The following PSMC2 variants were observed in gnomAD, a reference collection of about 807,000 sequenced individuals.
PSMC2 encodes the protein 26S proteasome regulatory subunit 7.
In PSMC2, 7 loss-of-function variants were observed where a neutral mutation model predicts 53.3. The ratio of observed to expected loss-of-function variants is 0.13; its 90% CI spans 0.07 to 0.25. PSMC2 has a LOEUF of 0.25. Ranked by LOEUF, PSMC2 falls within the 10% of genes least tolerant of loss-of-function variation. PSMC2 has a pLI of 1.00. For synonymous variants in PSMC2, 169 were observed against 183.9 expected (o/e 0.92, Z 0.66); for missense variants, 241 against 544.0 (o/e 0.44, Z 5.54).
intron 2 of PSMC2, among the ~76,000 whole-genome samples, chr7:103,354,173 A>G (rs1442813613): frequency 6.6e-6 from 1 of 152,212 alleles, no homozygotes; most frequent in African/African-American, 2.4e-5. Context: ...TTTATAGAAT[A>G]GATCAAAGTA....
chr7:103,352,128 C>T (rs560572631), intron 1 of PSMC2, among the ~76,000 whole-genome samples: 6 of 145,382 alleles, frequency 4.1e-5, no homozygotes, highest in East Asian at 2.0e-4. Flanking sequence ...TTCCTATTAC[C>T]GCCTAATGTG....
rs778581129 is a variant in PSMC2, at chr7:103,362,065, C to T, written c.399C>T (p.Asp133=). The T allele has an allele frequency of 2.5e-6, 4 of 1,613,076 alleles. No homozygotes were observed. The South Asian group carries it at 4.4e-5, about 18-fold the overall frequency. The change falls in exon 5 of 12, where the codon GAC becomes GAT. Residue 133 remains aspartate (D), a synonymous_variant. Transcript: ENST00000292644. The part of the protein sequence containing the change: ...VDLSDQVAPT[D]IEEGMRVGVD... The stretch of plus-strand genomic sequence containing the variant: ...TTAGTGATCAGGTGGCACCTACTGA[C>T]ATTGAAGAAGGGATGAGAGTGGGGT...
chr7:103,366,542 A>T (rs1231931540), intron 9 of PSMC2, among the ~76,000 whole-genome samples: 1 of 152,204 alleles, frequency 6.6e-6, no homozygotes. Flanking sequence ...TGCTTTTGTC[A>T]TGTTGGTGCT....
intron 2 of PSMC2, among the ~76,000 whole-genome samples, chr7:103,354,382 T>TTTTTTTG (rs1819909992): frequency 6.6e-6 from 1 of 151,544 alleles, no homozygotes; most frequent in Non-Finnish European, 1.5e-5. Context: ...TTTTTTTTTT[T>TTTTTTTG]TTTGAAACGG....
Position 103,366,175 on chromosome 7 carries a change from A to C in PSMC2, c.844+12A>C, listed in dbSNP as rs1820707204. Reference sequence around the variant, plus strand: ...TGATGCTATTGGAGGTGAGAATGATACGTTAGAGAACTGCTTTAGGATTCA... The same window carrying C: ...TGATGCTATTGGAGGTGAGAATGATCCGTTAGAGAACTGCTTTAGGATTCA... On this transcript the variant is annotated intron_variant, in intron 9 of 11. Transcript: ENST00000292644. The C allele has an allele frequency of 6.3e-7, 1 of 1,587,778 alleles. No individual in the cohort carries two copies. Among genetic ancestry groups the C allele is most frequent in the African/African-American group, 1.3e-5 (1 of 74,240 alleles).
rs1257421243 is a variant in PSMC2 at position 103,367,620 on chromosome 7, G to A, written c.1047+5G>A. On this transcript the variant is annotated splice_donor_5th_base_variant and intron_variant, in intron 10 of 11. Transcript: ENST00000292644. This position sits in a 1 kb window ranked among gnomAD's most constrained non-coding sequence, Gnocchi z 6.1. ...TTTAGCTTGCCCGATCTAGAGGTAA[G>A]AAAACCATTTCATTTTAGGAAAGGG... 6.2e-6 allele frequency: 10 copies of A among 1,613,072 alleles called. No homozygotes were observed. The highest frequency in any genetic ancestry group is 4.0e-5 in the African/African-American group (3 of 74,858).
At chr7:103,354,365 ATTTTTTT>A (rs752847513) in intron 2 of PSMC2, among the ~76,000 whole-genome samples, 76 of 134,548 alleles carry the variant, frequency 5.6e-4, no homozygotes, top group East Asian at 2.2e-3. Context: ...TTCACACACG[ATTTTTTT>A]TTTTTTTTTT....
chr7:103,366,244 T>C (rs756469920), intron 9 of PSMC2, 81 bp downstream of exon 9: 1 of 1,270,052 alleles, frequency 7.9e-7, no homozygotes, highest in African/African-American at 1.5e-5. Context: ...TATGTTAATC[T>C]TGTACAGAAT....
intron 4 of PSMC2, 65 bp from the exon 5 acceptor site, chr7:103,361,892 A>T: frequency 6.8e-7 from 1 of 1,469,410 alleles, no homozygotes; most frequent in Non-Finnish European, 9.2e-7. Context: ...GATATAATCT[A>T]GTTAGTTGAA....
Position 103,366,174 on chromosome 7 carries a change from T to A in PSMC2, c.844+11T>A. ...TTGATGCTATTGGAGGTGAGAATGA[T>A]ACGTTAGAGAACTGCTTTAGGATTC... On this transcript the variant is annotated intron_variant, in intron 9 of 11. Transcript: ENST00000292644. 1.3e-6 allele frequency: 2 copies of A among 1,559,882 alleles called. No individual in the cohort carries two copies. Among genetic ancestry groups the A allele is most frequent in the Non-Finnish European group, 1.8e-6 (2 of 1,131,210 alleles).
intron 4 of PSMC2, among the ~76,000 whole-genome samples, chr7:103,358,733 T>C (rs914164081): frequency 2.0e-5 from 3 of 152,136 alleles, no homozygotes; most frequent in Admixed American, 2.0e-4. Flanking sequence ...CTATGGTAAA[T>C]TAAAAAATCT....
At chr7:103,362,788 C>A (rs555881784) in intron 6 of PSMC2, 30 bp downstream of exon 6, 4 of 1,199,662 alleles carry the variant, frequency 3.3e-6, no homozygotes, top group South Asian at 1.3e-5. Context: ...AAAAGGAAGG[C>A]TATGTCTTTT....
chr7:103,355,076 T>C, intron 3 of PSMC2, 127 bp downstream of exon 3: 1 of 691,702 alleles, frequency 1.4e-6, no homozygotes, highest in Non-Finnish European at 2.5e-6. Context: ...TTCCTTTCTG[T>C]TAAGAAATTA....
At chr7:103,348,710 A>G (rs1819661590) in intron 1 of PSMC2, 1 of 1,585,472 alleles carries the variant, frequency 6.3e-7, no homozygotes, top group South Asian at 1.1e-5. Flanking sequence ...TATGGCCTCA[A>G]TATGTGCCGC....
rs1820372543 is a variant in PSMC2, at chr7:103,361,207, G to C, written c.291-750G>C. 2.6e-5 allele frequency among the ~76,000 whole-genome samples: 4 copies of C among 152,040 alleles called. No homozygotes were observed. In the South Asian group the frequency reaches 8.3e-4, roughly 32 times the overall value. ...ACAATAAAAATGGATTTAAAGTCCGGGTGTGGTGGCTCACGCCTGTAATCC... is the reference window on the plus strand; with the variant it reads ...ACAATAAAAATGGATTTAAAGTCCGCGTGTGGTGGCTCACGCCTGTAATCC... On this transcript the variant is annotated intron_variant, in intron 4 of 11. Transcript: ENST00000292644.
chr7:103,362,178 T>C, intron 5 of PSMC2, 90 bp downstream of exon 5: 1 of 1,566,210 alleles, frequency 6.4e-7, no homozygotes, highest in Non-Finnish European at 8.6e-7. Flanking sequence ...ATAAATGGAC[T>C]GAGTTCCTTG....
chr7:103,362,604 G>T (rs1300240530), intron 5 of PSMC2, 82 bp from the exon 6 acceptor site: 1 of 1,477,312 alleles, frequency 6.8e-7, no homozygotes, highest in Non-Finnish European at 9.3e-7. Flanking sequence ...TTAAAGTATG[G>T]TTTTGGGGAT....
At position 103,364,125 on chromosome 7, in the gene PSMC2, A is replaced by T; in HGVS notation, c.592-18A>T. ...TTATACAGAAGTGGTAAGTGTGAAA[A>T]TTGTGTCTCTATCACAGCCAGAGAG... is the stretch of plus-strand genomic sequence containing the variant. On this transcript the variant is annotated intron_variant, in intron 7 of 11. Coordinates refer to ENST00000292644, the MANE Select transcript of PSMC2 (RefSeq NM_002803.4). 2.5e-6 allele frequency: 4 copies of T among 1,609,476 alleles called. No individual in the cohort carries two copies. The highest frequency in any genetic ancestry group is 3.4e-6 in the Non-Finnish European group (4 of 1,178,146).
At chr7:103,360,986 T>A (rs1820356606) in intron 4 of PSMC2, among the ~76,000 whole-genome samples, 1 of 151,984 alleles carries the variant, frequency 6.6e-6, no homozygotes, top group Non-Finnish European at 1.5e-5. Flanking sequence ...TGCTGGCGCA[T>A]TCCTGTAATG....
Sources: gnomAD v4.1 joint callset for allele counts (sites outside exome capture counted in the v4.1 genomes callset) on GRCh38, gnomAD v4.1.1 for gene constraint, Gnocchi (gnomAD v3.1) non-coding constraint, MANE v1.5 for transcripts, NCBI Gene and HGNC (gene_info 2026-07-23, HGNC 2026-07-21) for gene names.